XDH: variants seen among roughly 807,000 people sequenced by gnomAD.
XDH encodes the protein xanthine dehydrogenase/oxidase.
XDH carries 138 observed loss-of-function variants against 156.1 expected under a neutral mutation model. That is an observed-to-expected ratio of 0.88 (90% CI 0.77 to 1.02). The LOEUF is 1.02. Ranked by LOEUF, XDH falls within the 50% of genes least tolerant of loss-of-function variation. The probability of loss-of-function intolerance (pLI) is 0.00; values close to 1 mark genes in which losing one functional copy is unlikely to be tolerated. For missense variants in XDH, 1,849 were observed against 1,684.9 expected, an observed-to-expected ratio of 1.10 and a Z score of -1.71; for synonymous variants, 669 against 625.7, an observed-to-expected ratio of 1.07 and a Z score of -1.03.
intron 33 of XDH, among the ~76,000 whole-genome samples, chr2:31,340,026 C>T (rs1383041149): frequency 1.3e-5 from 2 of 152,176 alleles, no homozygotes; most frequent in Non-Finnish European, 2.9e-5. Context: ...AGGATTTATT[C>T]GATAGTAGAT....
intron 26 of XDH, 29 bp downstream of exon 26, chr2:31,349,657 G>A: frequency 1.2e-6 from 2 of 1,613,970 alleles, no homozygotes; most frequent in Non-Finnish European, 1.7e-6. Flanking sequence ...ACCCAGAAGA[G>A]CAACTGGACT....
chr2:31,394,003 T>C (rs1031155156), intron 6 of XDH, among the ~76,000 whole-genome samples: 26 of 152,236 alleles, frequency 1.7e-4, no homozygotes, highest in African/African-American at 6.0e-4. Flanking sequence ...TATATATACA[T>C]ATGCACACAT....
chr2:31,368,002 T>C lies in XDH; in HGVS notation c.2156A>G (p.Asp719Gly), dbSNP rs768309080. 1.2e-6 allele frequency: 2 copies of C among 1,614,162 alleles called. No individual in the cohort carries two copies. The highest frequency in any genetic ancestry group is 1.7e-6 in the Non-Finnish European group (2 of 1,180,006). Residue 719 changes from aspartate (D) to glycine (G), a missense_variant, in exon 20 of 36, where the codon GAC becomes GGC. Asp to Gly is a moderately conservative substitution (Grantham distance 94). Transcript: ENST00000379416. ...TGCTTCGGAAAACCCCTTCTTTAGG[T>C]CCCCTTTCTCGATCTTCAGCTCAGG... is the stretch of plus-strand genomic sequence containing the variant. Reference protein sequence around the residue: ...YGPELKIEKGDLKKGFSEADN... With the variant: ...YGPELKIEKGGLKKGFSEADN...
rs761474646 is a variant in XDH at position 31,346,861 on chromosome 2, C to G, written c.3277-18G>C. On this transcript the variant is annotated intron_variant, in intron 29 of 35. Coordinates refer to ENST00000379416, the MANE Select transcript of XDH (RefSeq NM_000379.4). ...CAAGCCGCCTAAAGTAAACACCCCC[C>G]ACACCCCAGACACATCAGTCCTCTG... 4 of 1,613,774 alleles carry G rather than the reference C, an allele frequency of 2.5e-6. No individual in the cohort carries two copies. In the East Asian group the frequency reaches 6.7e-5, roughly 27 times the overall value.
In XDH at chr2:31,381,550, C is replaced by T. The variant is rs1686436141; in HGVS notation, c.1132+83G>A. The T allele has an allele frequency of 2.1e-6, 3 of 1,407,358 alleles. No homozygotes were observed. In the Admixed American group the frequency reaches 5.5e-5, roughly 26 times the overall value. 87.2% of individuals were successfully genotyped at this position (1,407,358 alleles called of 1,614,324 possible). ...AAGCTGGGTCACTGAACTTTGAGCTCTGTTTCTCCAGAAAATGACCTATCT... is the reference window on the plus strand; with the variant it reads ...AAGCTGGGTCACTGAACTTTGAGCTTTGTTTCTCCAGAAAATGACCTATCT... On this transcript the variant is annotated intron_variant, in intron 12 of 35. Coordinates refer to ENST00000379416, the MANE Select transcript of XDH (RefSeq NM_000379.4).
At chr2:31,349,504 G>A (rs569143508) in intron 26 of XDH, among the ~76,000 whole-genome samples, 182 bp downstream of exon 26, 25 of 152,308 alleles carry the variant, frequency 1.6e-4, no homozygotes, top group African/African-American at 6.0e-4. Flanking sequence ...CAGGCTGTGA[G>A]CCCACCTGCC....
intron 5 of XDH, 120 bp from the exon 6 acceptor site, chr2:31,397,849 T>C: frequency 8.6e-7 from 1 of 1,166,014 alleles, no homozygotes. Context: ...TTCTGTTACC[T>C]CTGTCTGGAA....
At chr2:31,366,597 C>T (rs1685920491) in intron 21 of XDH, among the ~76,000 whole-genome samples, 1 of 152,188 alleles carries the variant, frequency 6.6e-6, no homozygotes, top group Non-Finnish European at 1.5e-5. Flanking sequence ...ATGTACCAAA[C>T]TCTAGTCTAA....
chr2:31,414,488 C>T (rs999155607), intron 1 of XDH, 137 bp downstream of exon 1: 1 of 1,321,396 alleles, frequency 7.6e-7, no homozygotes, highest in Non-Finnish European at 1.1e-6. Flanking sequence ...GCAGCGACAC[C>T]TTTAAAGCGA....
In XDH at chr2:31,334,446, G is replaced by C. The variant is rs1684924057; in HGVS notation, c.*1512C>G. On this transcript the variant is annotated 3_prime_UTR_variant, in exon 36 of 36. Transcript: ENST00000379416. ...AGAAGGTTGGATTTATACAGTGAAG[G>C]CATGTGACAGTGACACATTGTCCAC... The C allele has an allele frequency of 6.6e-6, 1 of 152,120 alleles. No homozygotes were observed. Among genetic ancestry groups the C allele is most frequent in the South Asian group, 2.1e-4 (1 of 4,820 alleles). The allele number at this position is 152,120 out of a possible 1,614,324, so 9.4% of individuals were successfully genotyped here. A position where few individuals can be genotyped will look rare whatever the true frequency, so the allele number is the denominator to read the frequency against.
At chr2:31,364,354 A>C in intron 23 of XDH, 110 bp from the exon 24 acceptor site, 1 of 1,076,162 alleles carries the variant, frequency 9.3e-7, no homozygotes, top group South Asian at 1.3e-5. Flanking sequence ...AATAAACAGA[A>C]CACCACATCA....
chr2:31,357,606 T>C (rs1414365722), intron 24 of XDH, among the ~76,000 whole-genome samples: 1 of 151,898 alleles, frequency 6.6e-6, no homozygotes, highest in Non-Finnish European at 1.5e-5. Flanking sequence ...AAAATATAGT[T>C]AGAATGAGTA....
Position 31,373,859 on chromosome 2 carries a change from C to T in XDH, c.1686+14G>A. The T allele has an allele frequency of 1.9e-6, 3 of 1,613,488 alleles. No homozygotes were observed. The highest frequency in any genetic ancestry group is 2.7e-5 in the African/African-American group (2 of 75,044). ...AAAGTCCCCTGATATTAGCCATACA[C>T]TGACCGTACTCACTTGGAAGAGCTG... On this transcript the variant is annotated intron_variant, in intron 16 of 35. Transcript: ENST00000379416.
At position 31,377,233 on chromosome 2, in the gene XDH, T is replaced by G. The variant is rs1287340480; in HGVS notation, c.1247A>C (p.Glu416Ala). The change falls in exon 14 of 36, where the codon GAG (glutamate) becomes GCG (alanine). Residue 416 changes from glutamate to alanine, a missense_variant. Glu to Ala is a moderately radical substitution (Grantham distance 107, BLOSUM62 -1). Coordinates refer to ENST00000379416, the MANE Select transcript of XDH (RefSeq NM_000379.4). The part of the protein sequence containing the change: ...SIEIPYSREG[E>A]YFSAFKQASR... ...GGCCTGCTTGAATGCTGAGAAATAC[T>G]CCCCCTAAAAGAGATCAGGAAGGTG... 1 of 1,613,982 alleles carries G rather than the reference T, an allele frequency of 6.2e-7. No homozygotes were observed. Among genetic ancestry groups the G allele is most frequent in the Non-Finnish European group, 8.5e-7 (1 of 1,180,010 alleles).
Position 31,335,580 on chromosome 2 carries a change from T to G in XDH, c.*378A>C. ...ATTTAAAGTAACTTCGGTTTAAGCT[T>G]CTAGAGGTTTGTGGGAATCCTCTTC... is the stretch of plus-strand genomic sequence containing the variant. On this transcript the variant is annotated 3_prime_UTR_variant, in exon 36 of 36. Transcript: ENST00000379416. 2.9e-6 allele frequency: 1 copy of G among 344,394 alleles called. No individual in the cohort carries two copies. The highest frequency in any genetic ancestry group is 2.8e-5 in the South Asian group (1 of 35,116). The allele number at this position is 344,394 out of a possible 1,614,324, so 21.3% of individuals were successfully genotyped here. A position where few individuals can be genotyped will look rare whatever the true frequency, so the allele number is the denominator to read the frequency against.
chr2:31,391,749 A>G (rs1485147976), intron 6 of XDH, among the ~76,000 whole-genome samples: 5 of 152,208 alleles, frequency 3.3e-5, no homozygotes, highest in African/African-American at 9.6e-5. Context: ...TTTGTTGGAG[A>G]GTATTAATGT....
intron 18 of XDH, 134 bp downstream of exon 18, chr2:31,370,221 A>G: frequency 1.9e-6 from 2 of 1,048,612 alleles, no homozygotes; most frequent in Non-Finnish European, 1.4e-6. Flanking sequence ...TGTCCTGAAT[A>G]TGGGCCAACT....
At chr2:31,373,193 T>C (rs1426020049) in intron 16 of XDH, among the ~76,000 whole-genome samples, 1 of 152,206 alleles carries the variant, frequency 6.6e-6, no homozygotes, top group African/African-American at 2.4e-5. Context: ...AAGTAAGTTG[T>C]TCAAGGTTGC....
intron 18 of XDH, among the ~76,000 whole-genome samples, chr2:31,369,478 T>C (rs1387250884): frequency 6.6e-6 from 1 of 152,186 alleles, no homozygotes; most frequent in Non-Finnish European, 1.5e-5. Flanking sequence ...CTTTAGAAGA[T>C]GAAGTTTCTG....
Sources: allele counts gnomAD v4.1 joint callset (sites outside exome capture counted in the v4.1 genomes callset), GRCh38; gene constraint gnomAD v4.1.1; transcripts MANE v1.5; gene names NCBI Gene and HGNC (gene_info 2026-07-23, HGNC 2026-07-21).